Variants in SNX31 observed in about 807,000 individuals in gnomAD.
SNX31 encodes sorting nexin 31.
Under a neutral mutation model 65.4 loss-of-function variants are expected in SNX31, and 58 were observed. The observed-to-expected ratio is 0.89, with a 90% CI of 0.72 to 1.10. The LOEUF is 1.10. Among genes scored for constraint, SNX31 ranks in the 50% least tolerant of loss-of-function variants. The pLI, the probability that SNX31 is intolerant of heterozygous loss-of-function variation, is 0.00. For synonymous variants in SNX31, 181 were observed against 190.1 expected, an observed-to-expected ratio of 0.95 and a Z score of 0.39; for missense variants, 523 against 529.7, an observed-to-expected ratio of 0.99 and a Z score of 0.12.
intron 2 of SNX31, among the ~76,000 whole-genome samples, chr8:100,644,749 G>A (rs1254556701): frequency 6.6e-6 from 1 of 152,204 alleles, no homozygotes; most frequent in Non-Finnish European, 1.5e-5. Context: ...ACTGCAATCT[G>A]TGCCTCCTGG....
At chr8:100,583,851 C>T (rs563304979) in intron 12 of SNX31, among the ~76,000 whole-genome samples, 2 of 152,238 alleles carry the variant, frequency 1.3e-5, no homozygotes, top group South Asian at 2.1e-4. Flanking sequence ...GATACAAAGT[C>T]GAGGGTTAGA....
intron 2 of SNX31, among the ~76,000 whole-genome samples, chr8:100,647,112 A>G (rs1677958651): frequency 6.6e-6 from 1 of 152,228 alleles, no homozygotes; most frequent in Non-Finnish European, 1.5e-5. Flanking sequence ...ATAAATACCA[A>G]TAGCCATCTA....
chr8:100,584,127 G>A lies in SNX31; in HGVS notation c.1154C>T (p.Ala385Val). The stretch of plus-strand genomic sequence containing the variant: ...AGCACTCACCATTTCTGTATTCTCA[G>A]CAGCTAGCTTTACCATCTTTTCTGA... ...MISEKMVKLA[A>V]ENTEMQIEVP... Residue 385 changes from alanine to valine, a missense_variant, in exon 12 of 14, where the codon GCT (alanine) becomes GTT (valine). Coordinates refer to ENST00000311812, the MANE Select transcript of SNX31 (RefSeq NM_152628.4). 5.6e-6 allele frequency: 9 copies of A among 1,604,094 alleles called. No homozygotes were observed. The highest frequency in any genetic ancestry group is 2.3e-5 in the East Asian group (1 of 43,852).
At chr8:100,662,587 C>T (rs111321424) in intron 1 of SNX31, among the ~76,000 whole-genome samples, 4 of 152,314 alleles carry the variant, frequency 2.6e-5, no homozygotes, top group African/African-American at 7.2e-5. Flanking sequence ...ATCCCAGCTA[C>T]CTGGGAGGCT....
At chr8:100,634,363 T>C (rs1168273767) in intron 3 of SNX31, among the ~76,000 whole-genome samples, 1 of 151,874 alleles carries the variant, frequency 6.6e-6, no homozygotes, top group Admixed American at 6.6e-5. Context: ...CTGTAAGTGG[T>C]TCATCTCATC....
In SNX31 at chr8:100,614,527, C is replaced by T. The variant is rs1051423752; in HGVS notation, c.433-1442G>A. Among the ~76,000 whole-genome samples, 3 of 152,152 alleles carry T rather than the reference C, an allele frequency of 2.0e-5. No homozygotes were observed. Among genetic ancestry groups the T allele is most frequent in the South Asian group, 2.1e-4 (1 of 4,826 alleles). ...TGTTAATGATGATTCAAAACACGAA[C>T]GCCATCACTAGCACCACAGTAGTCC... On this transcript the variant is annotated intron_variant, in intron 5 of 13. Coordinates refer to ENST00000311812, the MANE Select transcript of SNX31 (RefSeq NM_152628.4). This position sits in a 1 kb window ranked among gnomAD's most constrained non-coding sequence, Gnocchi z 5.1.
chr8:100,615,554 TTTG>T (rs927431295), intron 5 of SNX31, among the ~76,000 whole-genome samples: 5 of 152,214 alleles, frequency 3.3e-5, no homozygotes, highest in Non-Finnish European at 7.3e-5. Context: ...GTTAGGCGAT[TTTG>T]TTGTTGTGTG....
chr8:100,607,653 A>G (rs576284993), intron 8 of SNX31, among the ~76,000 whole-genome samples: 21 of 152,332 alleles, frequency 1.4e-4, no homozygotes, highest in South Asian at 8.3e-4. Context: ...TAACTAAAAG[A>G]GTATAATTGG....
rs781724374 is a variant in SNX31, at chr8:100,614,339, AAAC to A, written c.433-1257_433-1255del. The stretch of plus-strand genomic sequence containing the variant: ...CCTTCTTTTCTGTCTAATTCAGGGA[AAAC>A]AACAAGCTTACATGCCAAGGCAGAC... On this transcript the variant is annotated intron_variant, in intron 5 of 13. Transcript: ENST00000311812. This position sits in a 1 kb window ranked among gnomAD's most constrained non-coding sequence, Gnocchi z 5.1. 6.6e-6 allele frequency among the ~76,000 whole-genome samples: 1 copy of A among 152,194 alleles called. No homozygotes were observed. The highest frequency in any genetic ancestry group is 2.4e-5 in the African/African-American group (1 of 41,450).
intron 1 of SNX31, among the ~76,000 whole-genome samples, chr8:100,655,622 G>A (rs1820042152): frequency 6.6e-6 from 1 of 152,220 alleles, no homozygotes; most frequent in Non-Finnish European, 1.5e-5. Flanking sequence ...ATGTGGAACT[G>A]TAAATCCATT....
intron 8 of SNX31, among the ~76,000 whole-genome samples, chr8:100,606,848 G>T (rs1227454878): frequency 6.6e-6 from 1 of 152,180 alleles, no homozygotes; most frequent in African/African-American, 2.4e-5. Flanking sequence ...GGTACCAACT[G>T]CCTTACAGAG....
chr8:100,593,990 C>G lies in SNX31; in HGVS notation c.978+2649G>C, dbSNP rs538265259. On this transcript the variant is annotated intron_variant, in intron 10 of 13. Transcript: ENST00000311812. ...GAAACATTTTTGATCTGCAAAAGAC[C>G]TTGTTTAAGAGGATGAAAAACTATA... Among the ~76,000 whole-genome samples the G allele has an allele frequency of 3.9e-5, 6 of 152,118 alleles. No individual in the cohort carries two copies. In the South Asian group the frequency reaches 8.3e-4, roughly 21 times the overall value.
rs562436692 is a variant in SNX31, at chr8:100,613,353, T to C, written c.433-268A>G. Among the ~76,000 whole-genome samples, 2 of 152,314 alleles carry C rather than the reference T, an allele frequency of 1.3e-5. No homozygotes were observed. Among genetic ancestry groups the C allele is most frequent in the African/African-American group, 4.8e-5 (2 of 41,564 alleles). On this transcript the variant is annotated intron_variant, in intron 5 of 13. Coordinates refer to ENST00000311812, the MANE Select transcript of SNX31 (RefSeq NM_152628.4). The surrounding 1 kb of genome is among the most constrained non-coding windows in gnomAD (Gnocchi z 5.2). Reference sequence around the variant, plus strand: ...CCCCAAGTTGAGGTTGGTCATCCCATCTCAGATGTGGACTCACTCCCGGAT... The same window carrying C: ...CCCCAAGTTGAGGTTGGTCATCCCACCTCAGATGTGGACTCACTCCCGGAT...
upstream of SNX31, among the ~76,000 whole-genome samples, chr8:100,651,767 G>A (rs993418280): frequency 7.2e-5 from 11 of 152,362 alleles, no homozygotes; most frequent in African/African-American, 2.6e-4. Flanking sequence ...ATTGCCTGAA[G>A]TAGGTACTGA....
At chr8:100,634,275 C>T (rs944166349) in intron 3 of SNX31, among the ~76,000 whole-genome samples, 1 of 152,198 alleles carries the variant, frequency 6.6e-6, no homozygotes, top group African/African-American at 2.4e-5. Context: ...CTTAGCATGG[C>T]TTCCTGGTAA....
chr8:100,614,921 AG>A lies in SNX31; in HGVS notation c.433-1837del, dbSNP rs369235086. Among the ~76,000 whole-genome samples the A allele has an allele frequency of 2.5e-4, 38 of 152,308 alleles. No individual in the cohort carries two copies. Among genetic ancestry groups the A allele is most frequent in the African/African-American group, 8.7e-4 (36 of 41,574 alleles). ...AAGAGACCATTGAAAAGTAAAAGGC[AG>A]GCTGTGGGTGAGGCAAACCTGGGGA... On this transcript the variant is annotated intron_variant, in intron 5 of 13. Transcript: ENST00000311812. This position sits in a 1 kb window ranked among gnomAD's most constrained non-coding sequence, Gnocchi z 5.1.
upstream of SNX31, among the ~76,000 whole-genome samples, chr8:100,650,860 T>TTG (rs1554590096): frequency 3.2e-4 from 49 of 150,818 alleles, no homozygotes; most frequent in African/African-American, 9.7e-4. Context: ...GTTTTTTTTT[T>TTG]TTTTGTTTTG....
intron 2 of SNX31, among the ~76,000 whole-genome samples, chr8:100,640,590 G>A (rs2131249267): frequency 6.6e-6 from 1 of 152,246 alleles, no homozygotes; most frequent in Admixed American, 6.5e-5. Flanking sequence ...ACCTCACCCA[G>A]GTGATGAAGA....
chr8:100,600,104 G>A (rs1371304289), intron 9 of SNX31, among the ~76,000 whole-genome samples: 1 of 152,050 alleles, frequency 6.6e-6, no homozygotes, highest in Admixed American at 6.6e-5. Flanking sequence ...ATAATGCGGA[G>A]GATCTATATT....
Sources: allele counts gnomAD v4.1 joint callset (sites outside exome capture counted in the v4.1 genomes callset), GRCh38; gene constraint gnomAD v4.1.1; non-coding constraint Gnocchi (gnomAD v3.1); transcripts MANE v1.5; gene names NCBI Gene and HGNC (gene_info 2026-07-23, HGNC 2026-07-21).